Variants in NTRK3 observed in about 807,000 individuals in gnomAD.
NTRK3 encodes NT-3 growth factor receptor.
NTRK3 carries 24 observed loss-of-function variants against 91.7 expected under a neutral mutation model. The observed-to-expected ratio is 0.26, with a 90% CI of 0.19 to 0.37. NTRK3 has a LOEUF of 0.37. Ranked by LOEUF, NTRK3 falls within the 10% of genes least tolerant of loss-of-function variation. NTRK3 has a pLI of 1.00. For missense variants in NTRK3, 880 were observed against 1,068.9 expected, an observed-to-expected ratio of 0.82 and a Z score of 2.46; for synonymous variants, 483 against 404.0, an observed-to-expected ratio of 1.20 and a Z score of -2.34.
At chr15:87,984,839 GGT>G (rs993565822) in intron 14 of NTRK3, among the ~76,000 whole-genome samples, 14 of 152,264 alleles carry the variant, frequency 9.2e-5, no homozygotes, top group African/African-American at 3.4e-4. Context: ...GTTTATACGA[GGT>G]GTGTGAGTGT....
At chr15:88,160,762 T>A (rs1369194982) in intron 5 of NTRK3, among the ~76,000 whole-genome samples, 3 of 152,166 alleles carry the variant, frequency 2.0e-5, no homozygotes, top group South Asian at 2.1e-4. Flanking sequence ...TCCAAGTGTA[T>A]GATGGAGAAG....
At chr15:87,912,929 A>ATATATATATAT (rs1555435273) in intron 17 of NTRK3, among the ~76,000 whole-genome samples, 106 of 14,956 alleles carry the variant, frequency 7.1e-3, no homozygotes, top group African/African-American at 9.2e-3. Flanking sequence ...AAAGTAAAAA[A>ATATATATATAT]AAATATATAT....
intron 13 of NTRK3, among the ~76,000 whole-genome samples, chr15:88,111,672 G>C (rs1320210252): frequency 6.6e-6 from 1 of 152,162 alleles, no homozygotes; most frequent in Non-Finnish European, 1.5e-5. Flanking sequence ...AGAGCATGTG[G>C]CTTGGAAGCC....
At chr15:87,903,997 C>T (rs16940999) in intron 17 of NTRK3, among the ~76,000 whole-genome samples, 3,743 of 152,218 alleles carry the variant, frequency 0.025, 96 homozygotes, top group South Asian at 0.13. Flanking sequence ...GTCTTATGCT[C>T]TCCTTGTGTA....
intron 10 of NTRK3, among the ~76,000 whole-genome samples, chr15:88,132,915 T>C (rs1463874043): frequency 2.0e-5 from 3 of 152,202 alleles, no homozygotes; most frequent in African/African-American, 7.2e-5. Context: ...TGCTTTCTCT[T>C]TGAGTTTCTC....
chr15:88,173,640 C>T (rs2045729769), intron 5 of NTRK3, among the ~76,000 whole-genome samples: 1 of 152,240 alleles, frequency 6.6e-6, no homozygotes, highest in African/African-American at 2.4e-5. Flanking sequence ...GACATGGTTT[C>T]AGGCACTCCC....
rs140256262 is a variant in NTRK3 at position 88,171,541 on chromosome 15, T to C, written c.395+11877A>G. On this transcript the variant is annotated intron_variant, in intron 5 of 18. Coordinates refer to ENST00000394480, the Ensembl canonical transcript of NTRK3. ...TGAGCACCCTTAATAAGGATCAAGG[T>C]TCTAAAATAGCTTCCAAGGTGTGGG... Among the ~76,000 whole-genome samples the C allele has an allele frequency of 1.2e-4, 18 of 152,226 alleles. No individual in the cohort carries two copies. The East Asian group carries it at 3.3e-3, about 28-fold the overall frequency.
chr15:88,174,982 A>G lies in NTRK3; in HGVS notation c.395+8436T>C, dbSNP rs139414895. Among the ~76,000 whole-genome samples, 313 of 152,356 alleles carry G rather than the reference A, an allele frequency of 2.1e-3. 3 individuals are homozygous for G. Among genetic ancestry groups the G allele is most frequent in the African/African-American group, 7.0e-3 (289 of 41,574 alleles). ...TATACTTAAATTAGAGGAGGTTCAA[A>G]ACTTTCCCTGTAATAACATCTCTCT... On this transcript the variant is annotated intron_variant, in intron 5 of 18. Transcript: ENST00000394480.
chr15:88,128,550 A>T (rs2151129825), intron 11 of NTRK3, among the ~76,000 whole-genome samples, 161 bp downstream of exon 11: 1 of 152,318 alleles, frequency 6.6e-6, no homozygotes, highest in Middle Eastern at 3.4e-3. Flanking sequence ...CTGCCTAAAA[A>T]GCATTGCTAC....
exon 19 of NTRK3, chr15:87,860,881 C>T (rs1237710570): frequency 4.5e-6 from 1 of 220,402 alleles, no homozygotes; most frequent in East Asian, 6.6e-5. Flanking sequence ...AAATAAAGGG[C>T]ATAAGATCCA....
At chr15:88,244,233 T>C (rs2141930215) in intron 3 of NTRK3, among the ~76,000 whole-genome samples, 1 of 152,326 alleles carries the variant, frequency 6.6e-6, no homozygotes, top group South Asian at 2.1e-4. Flanking sequence ...CCAACCATGT[T>C]CCAGATGCTG....
chr15:88,174,944 C>A (rs368804840), intron 5 of NTRK3, among the ~76,000 whole-genome samples: 1 of 152,230 alleles, frequency 6.6e-6, no homozygotes, highest in African/African-American at 2.4e-5. Context: ...CCACCACTCA[C>A]CATTTACTTC....
intron 14 of NTRK3, chr15:87,979,499 G>T: frequency 6.8e-7 from 1 of 1,470,376 alleles, no homozygotes; most frequent in Non-Finnish European, 9.5e-7. Context: ...ACAGAAAAAA[G>T]CAAAATAAAG....
intron 14 of NTRK3, among the ~76,000 whole-genome samples, chr15:88,010,767 C>A (rs1422471313): frequency 6.6e-6 from 1 of 151,900 alleles, no homozygotes; most frequent in Non-Finnish European, 1.5e-5. Context: ...CACACACACA[C>A]AAAATCAAAG....
chr15:88,213,482 T>C (rs564962226), intron 3 of NTRK3, among the ~76,000 whole-genome samples: 13 of 151,974 alleles, frequency 8.6e-5, no homozygotes, highest in Admixed American at 2.0e-4. Context: ...CTAGGAACAG[T>C]GGAGACTAAG....
intron 13 of NTRK3, among the ~76,000 whole-genome samples, chr15:88,056,200 ATAT>A (rs1449749619): frequency 3.2e-4 from 32 of 99,944 alleles, no homozygotes; most frequent in African/African-American, 1.1e-3. Context: ...ATATATATAT[ATAT>A]TTTTTTTTTA....
chr15:88,079,929 T>C (rs1026080897), intron 13 of NTRK3, among the ~76,000 whole-genome samples: 2 of 152,208 alleles, frequency 1.3e-5, no homozygotes, highest in African/African-American at 2.4e-5. Flanking sequence ...TGCACCAATA[T>C]GGATTTTTTG....
At chr15:87,894,347 T>C (rs1215791541) in intron 17 of NTRK3, among the ~76,000 whole-genome samples, 2 of 152,216 alleles carry the variant, frequency 1.3e-5, no homozygotes, top group African/African-American at 4.8e-5. Context: ...TTCACTTGCA[T>C]GGCTGCACAT....
chr15:88,008,085 G>A (rs2076618052), intron 14 of NTRK3, among the ~76,000 whole-genome samples: 1 of 152,134 alleles, frequency 6.6e-6, no homozygotes, highest in Admixed American at 6.5e-5. Context: ...GAAGAGAAGT[G>A]TCCCCTGAAG....
Sources: gnomAD v4.1 joint callset for allele counts (sites outside exome capture counted in the v4.1 genomes callset) on GRCh38, gnomAD v4.1.1 for gene constraint, MANE v1.5 for transcripts, NCBI Gene and HGNC (gene_info 2026-07-23, HGNC 2026-07-21) for gene names.